The following SCML2 variants were observed in gnomAD, a reference collection of about 807,000 sequenced individuals.
SCML2 encodes the protein sex comb on midleg-like protein 2.
A neutral mutation model predicts 48.4 loss-of-function variants in SCML2; 6 were observed. The ratio of observed to expected loss-of-function variants is 0.12; its 90% confidence interval spans 0.07 to 0.24. SCML2 has a LOEUF of 0.24. Among genes scored for constraint, SCML2 ranks in the 10% least tolerant of loss-of-function variants. The probability of loss-of-function intolerance (pLI) is 1.00; values close to 1 mark genes in which losing one functional copy is unlikely to be tolerated. For missense variants in SCML2, 377 were observed against 528.2 expected (o/e 0.71, Z 2.81); for synonymous variants, 181 against 189.5 (o/e 0.95, Z 0.37).
intron 11 of SCML2, among the ~76,000 whole-genome samples, chrX:18,255,311 A>T (rs1926800994): frequency 8.9e-6 from 1 of 112,133 alleles, no homozygotes; most frequent in Non-Finnish European, 1.9e-5. Context: ...AGAGAGGCTC[A>T]GTACTTTGTC....
chrX:18,304,919 G>C, intron 7 of SCML2, 53 bp downstream of exon 7: 1 of 1,160,643 alleles, frequency 8.6e-7, no homozygotes, highest in Non-Finnish European at 1.2e-6. Context: ...ACCAATGACA[G>C]TTACATCTAA....
At chrX:18,295,089 C>T (rs755280611) in intron 7 of SCML2, among the ~76,000 whole-genome samples, 1 of 111,512 alleles carries the variant, frequency 9.0e-6, no homozygotes. Flanking sequence ...CACATGCCCC[C>T]ACCAGGGCCT....
In SCML2 at chrX:18,336,736, C is replaced by T. The variant is rs779382007; in HGVS notation, c.-24-2641G>A. ...TGGGCGACAGAGCGAGACTCCGTCT[C>T]GAAAAAAAATAATAAATAAAATAAA... On this transcript the variant is annotated intron_variant, in intron 1 of 14. Coordinates refer to ENST00000251900, the MANE Select transcript of SCML2 (RefSeq NM_006089.3). Among the ~76,000 whole-genome samples, 17 of 101,533 alleles carry T rather than the reference C, an allele frequency of 1.7e-4. No homozygotes were observed. In the South Asian group the frequency reaches 3.2e-3, roughly 19 times the overall value. The allele number at this position is 101,533 out of a possible 115,157, so 88.2% of individuals were successfully genotyped here. A position where few individuals can be genotyped will look rare whatever the true frequency, so the allele number is the denominator to read the frequency against.
At chrX:18,261,369 T>A (rs1927058181) in intron 8 of SCML2, among the ~76,000 whole-genome samples, 1 of 109,116 alleles carries the variant, frequency 9.2e-6, no homozygotes, top group Admixed American at 9.6e-5. Context: ...ATTTTAAAAA[T>A]CTGAAATCTG....
chrX:18,353,727 G>T (rs1930444562), intron 1 of SCML2, among the ~76,000 whole-genome samples: 1 of 112,408 alleles, frequency 8.9e-6, no homozygotes, highest in African/African-American at 3.2e-5. Flanking sequence ...GGGGTTTGGG[G>T]GAGCCGAATT....
intron 1 of SCML2, among the ~76,000 whole-genome samples, chrX:18,336,465 G>A (rs1311420448): frequency 4.9e-5 from 5 of 102,778 alleles, no homozygotes; most frequent in South Asian, 9.0e-4. Context: ...GGCCAGGCAC[G>A]GTAGCTCATG....
chrX:18,241,387 G>A lies in SCML2; in HGVS notation c.1975-8C>T. Reference sequence around the variant, plus strand: ...AGCCTTCCCATCAATTTCCTACAGAGAGAAGGAAATCATAATCATTAATAA... The same window carrying A: ...AGCCTTCCCATCAATTTCCTACAGAAAGAAGGAAATCATAATCATTAATAA... On this transcript the variant is annotated splice_region_variant and splice_polypyrimidine_tract_variant and intron_variant, in intron 14 of 14. Transcript: ENST00000251900. 2.7e-6 allele frequency: 3 copies of A among 1,121,361 alleles called. No individual in the cohort carries two copies. Among genetic ancestry groups the A allele is most frequent in the Middle Eastern group, 2.5e-4 (1 of 3,994 alleles). 92.4% of individuals were successfully genotyped at this position (1,121,361 alleles called of 1,213,427 possible).
intron 6 of SCML2, among the ~76,000 whole-genome samples, chrX:18,312,730 T>G (rs1020305629): frequency 4.5e-5 from 5 of 110,565 alleles, no homozygotes; most frequent in African/African-American, 1.6e-4. Context: ...CTCCCTGAGA[T>G]AGGGAGGTTA....
intron 1 of SCML2, among the ~76,000 whole-genome samples, chrX:18,348,336 C>T (rs757623036): frequency 1.8e-5 from 2 of 111,780 alleles, no homozygotes; most frequent in Non-Finnish European, 3.8e-5. Flanking sequence ...TTTCTAACAC[C>T]GGCCCTACAA....
At chrX:18,354,252 A>T (rs1292602903) in intron 1 of SCML2, among the ~76,000 whole-genome samples, 1 of 111,694 alleles carries the variant, frequency 9.0e-6, no homozygotes, top group Non-Finnish European at 1.9e-5. Context: ...GGCCCTACCC[A>T]CGGCAGGGAG....
chrX:18,352,477 G>A (rs1241100714), intron 1 of SCML2, among the ~76,000 whole-genome samples: 2 of 111,984 alleles, frequency 1.8e-5, no homozygotes, highest in African/African-American at 6.5e-5. Context: ...AATTTTGTTT[G>A]GAGAATTATG....
rs766249472 is a variant in SCML2 at position 18,317,501 on chromosome X, C to A, written c.486+2831G>T. On this transcript the variant is annotated intron_variant, in intron 6 of 14. Transcript: ENST00000251900. ...GAATAATATGTACAATATATTCCAA[C>A]TGATGTTTAAGAAAATAAAAGCCCA... Among the ~76,000 whole-genome samples, 5 of 111,743 alleles carry A rather than the reference C, an allele frequency of 4.5e-5. No individual in the cohort carries two copies. In the South Asian group the frequency reaches 1.9e-3, roughly 41 times the overall value.
intron 8 of SCML2, among the ~76,000 whole-genome samples, chrX:18,263,162 GC>G (rs1245352260): frequency 9.5e-6 from 1 of 105,395 alleles, no homozygotes; most frequent in East Asian, 2.9e-4. Context: ...TTTACAATAT[GC>G]CCTGGGGATT....
intron 1 of SCML2, among the ~76,000 whole-genome samples, chrX:18,338,443 TAAAAAAAAAAAAAAG>T (rs1373555098): frequency 1.5e-5 from 1 of 68,056 alleles, no homozygotes; most frequent in East Asian, 4.3e-4. Context: ...GACTCTGTCT[TAAAAAAAAAAAAAAG>T]AAAAAAAAAA....
chrX:18,305,540 G>C (rs926207656), intron 6 of SCML2, among the ~76,000 whole-genome samples: 1 of 111,523 alleles, frequency 9.0e-6, no homozygotes, highest in African/African-American at 3.3e-5. Context: ...AAACATCCCT[G>C]CTCTGGTGGA....
intron 8 of SCML2, among the ~76,000 whole-genome samples, chrX:18,264,431 TTGTG>T (rs149069692): frequency 0.21 from 17,391 of 83,427 alleles, 1,575 homozygotes; most frequent in Admixed American, 0.34. Flanking sequence ...ATCAGTACGA[TTGTG>T]TGTGTGTGTG....
chrX:18,311,150 T>C (rs1230854785), intron 6 of SCML2, among the ~76,000 whole-genome samples: 2 of 112,050 alleles, frequency 1.8e-5, no homozygotes, highest in Admixed American at 1.9e-4. Context: ...TGAACTTCTA[T>C]CTCCTTATTT....
intron 4 of SCML2, 60 bp downstream of exon 4, chrX:18,324,847 A>C: frequency 1.2e-6 from 1 of 851,246 alleles, no homozygotes; most frequent in Non-Finnish European, 1.7e-6. Context: ...ACAATCACAC[A>C]GACGTCCTCC....
intron 6 of SCML2, among the ~76,000 whole-genome samples, chrX:18,315,913 G>A (rs763742662): frequency 9.2e-6 from 1 of 108,646 alleles, no homozygotes; most frequent in South Asian, 4.0e-4. Context: ...TTTTTGGAGA[G>A]CCTATTTCTC....
Sources: gnomAD v4.1 joint callset for allele counts (sites outside exome capture counted in the v4.1 genomes callset) on GRCh38, gnomAD v4.1.1 for gene constraint, MANE v1.5 for transcripts, NCBI Gene and HGNC (gene_info 2026-07-23, HGNC 2026-07-21) for gene names.